Variants in FAT3 observed in about 807,000 individuals in gnomAD.
The protein encoded by FAT3 is protocadherin Fat 3.
A neutral mutation model predicts 310.2 loss-of-function variants in FAT3; 95 were observed. The observed-to-expected ratio is 0.31, with a 90% CI of 0.26 to 0.36. The LOEUF (loss-of-function observed/expected upper bound fraction) is 0.36. Among genes scored for constraint, FAT3 ranks in the 10% least tolerant of loss-of-function variants. The probability of loss-of-function intolerance (pLI) is 1.00; values close to 1 mark genes in which losing one functional copy is unlikely to be tolerated. For synonymous variants in FAT3, 2,314 were observed against 2,192.9 expected (o/e 1.06, Z -1.54); for missense variants, 5,408 against 5,715.6 (o/e 0.95, Z 1.74).
intron 1 of FAT3, among the ~76,000 whole-genome samples, chr11:92,260,396 A>G (rs901411058): frequency 2.0e-5 from 3 of 152,132 alleles, no homozygotes; most frequent in African/African-American, 7.2e-5. Context: ...AGAAATCTTT[A>G]TCAGCTTTCT....
chr11:92,472,420 C>T (rs1347058095), intron 2 of FAT3, among the ~76,000 whole-genome samples: 1 of 152,090 alleles, frequency 6.6e-6, no homozygotes, highest in Non-Finnish European at 1.5e-5. Context: ...GATCAACACT[C>T]TCTAGTTTAG....
chr11:92,456,280 G>A (rs372693088), intron 2 of FAT3, among the ~76,000 whole-genome samples: 3 of 152,172 alleles, frequency 2.0e-5, no homozygotes, highest in African/African-American at 7.2e-5. Context: ...GGAGCAATTA[G>A]CTATTGTTTA....
At chr11:92,672,529 A>G (rs1943160579) in intron 3 of FAT3, among the ~76,000 whole-genome samples, 1 of 152,348 alleles carries the variant, frequency 6.6e-6, no homozygotes, top group Non-Finnish European at 1.5e-5. Flanking sequence ...GTGACAAACA[A>G]AGTAGCAGAA....
chr11:92,530,902 GA>G (rs11464368), intron 3 of FAT3, among the ~76,000 whole-genome samples: 34 of 147,342 alleles, frequency 2.3e-4, no homozygotes, highest in Non-Finnish European at 3.0e-4. Flanking sequence ...GGGATTTAAA[GA>G]AAAAAAAAAA....
chr11:92,815,836 G>A (rs1947811724), intron 13 of FAT3, among the ~76,000 whole-genome samples: 1 of 152,178 alleles, frequency 6.6e-6, no homozygotes, highest in African/African-American at 2.4e-5. Context: ...AAGGAAGTCA[G>A]GAATAAAGAC....
intron 20 of FAT3, among the ~76,000 whole-genome samples, chr11:92,858,041 T>C (rs1378186007): frequency 6.6e-6 from 1 of 152,228 alleles, no homozygotes; most frequent in Non-Finnish European, 1.5e-5. Context: ...TCTTTAGGTA[T>C]ATTTAAAATA....
In FAT3 at chr11:92,890,410, A is replaced by T. The variant is rs956538854; in HGVS notation, c.13148-81A>T. The stretch of plus-strand genomic sequence containing the variant: ...TCTTGGATGCTAAAAATTGCATGTC[A>T]GGTCCCTTCCCTGCTCCTTTCCCAG... On this transcript the variant is annotated intron_variant, in intron 27 of 27. Coordinates refer to ENST00000525166, the MANE Select transcript of FAT3 (RefSeq NM_001367949.2). The T allele has an allele frequency of 4.0e-6, 6 of 1,482,192 alleles. No homozygotes were observed. The African/African-American group carries it at 7.0e-5, about 17-fold the overall frequency. 91.8% of individuals were successfully genotyped at this position (1,482,192 alleles called of 1,614,324 possible). A position where few individuals can be genotyped will look rare whatever the true frequency, so the allele number is the denominator to read the frequency against.
rs1949713515 is a variant in FAT3 at position 92,883,108 on chromosome 11, G to C, written c.12652G>C (p.Gly4218Arg). Residue 4218 changes from glycine to arginine, a missense_variant, in exon 24 of 28, where the codon GGC becomes CGC. Gly to Arg is a moderately radical substitution (Grantham distance 125, BLOSUM62 -2). This residue lies in a region of FAT3 where 649 missense variants were observed against 666.2 expected (regional missense o/e 0.97). Coordinates refer to ENST00000525166, the MANE Select transcript of FAT3 (RefSeq NM_001367949.2). The surrounding 1 kb of genome is among the most constrained non-coding windows in gnomAD (Gnocchi z 4.2). ...PFRNLRGSGD[G>R]RNVYQEVGPP... is the part of the protein sequence containing the mutation. ...CCGGAACCTGCGCGGCAGTGGGGAC[G>C]GCCGCAACGTCTACCAGGAGGTGGG... is the stretch of plus-strand genomic sequence containing the variant. 6.2e-7 allele frequency: 1 copy of C among 1,613,640 alleles called. No individual in the cohort carries two copies. Among genetic ancestry groups the C allele is most frequent in the African/African-American group, 1.3e-5 (1 of 74,940 alleles).
chr11:92,826,435 C>G (rs1053426603), intron 13 of FAT3, among the ~76,000 whole-genome samples: 5 of 152,094 alleles, frequency 3.3e-5, no homozygotes, highest in African/African-American at 4.8e-5. Context: ...TATTAGATAG[C>G]CTGCAGCATG....
intron 7 of FAT3, among the ~76,000 whole-genome samples, chr11:92,784,394 A>G (rs1165643107): frequency 6.6e-6 from 1 of 152,238 alleles, no homozygotes; most frequent in African/African-American, 2.4e-5. Context: ...AGAGAATTTC[A>G]GTAATTCAGG....
intron 4 of FAT3, 112 bp from the exon 5 acceptor site, chr11:92,761,744 A>G: frequency 1.0e-6 from 1 of 954,930 alleles, no homozygotes; most frequent in Non-Finnish European, 1.6e-6. Flanking sequence ...GAATACTAAA[A>G]GAATTTGGAT....
intron 3 of FAT3, among the ~76,000 whole-genome samples, chr11:92,696,011 C>CA (rs1309758148): frequency 6.6e-6 from 1 of 151,892 alleles, no homozygotes. Flanking sequence ...GTCCTCACCA[C>CA]AAAAAAATGA....
At chr11:92,290,368 A>G (rs543469763) in intron 1 of FAT3, among the ~76,000 whole-genome samples, 2 of 152,268 alleles carry the variant, frequency 1.3e-5, no homozygotes, top group South Asian at 2.1e-4. Context: ...CCTGTCCCAT[A>G]ATAAGCCATC....
chr11:92,655,822 C>G (rs1415470959), intron 3 of FAT3, among the ~76,000 whole-genome samples: 1 of 152,252 alleles, frequency 6.6e-6, no homozygotes, highest in East Asian at 1.9e-4. Context: ...TGGTCTATTT[C>G]TGAAGCTTGC....
intron 18 of FAT3, among the ~76,000 whole-genome samples, chr11:92,842,364 C>T (rs558846582): frequency 6.6e-6 from 1 of 152,352 alleles, no homozygotes; most frequent in East Asian, 1.9e-4. Flanking sequence ...CCAGCAGCTT[C>T]ATGCCTTTCT....
chr11:92,279,729 T>C (rs963045118), intron 1 of FAT3, among the ~76,000 whole-genome samples: 17 of 152,188 alleles, frequency 1.1e-4, no homozygotes, highest in Non-Finnish European at 2.4e-4. Flanking sequence ...CTTTGAAATA[T>C]GCAATATGTT....
chr11:92,252,323 A>G (rs996098852), intron 1 of FAT3, among the ~76,000 whole-genome samples: 1 of 152,156 alleles, frequency 6.6e-6, no homozygotes, highest in African/African-American at 2.4e-5. Context: ...TGCATGAAGC[A>G]AGGTCAATGG....
chr11:92,617,064 T>C (rs973514340), intron 3 of FAT3, among the ~76,000 whole-genome samples: 3 of 152,170 alleles, frequency 2.0e-5, no homozygotes, highest in Non-Finnish European at 4.4e-5. Flanking sequence ...TAATATCCTG[T>C]AGAGTGTTTT....
intron 2 of FAT3, among the ~76,000 whole-genome samples, chr11:92,522,830 G>A (rs1953730688): frequency 1.3e-5 from 2 of 152,042 alleles, no homozygotes; most frequent in South Asian, 4.2e-4. Flanking sequence ...AATGTATGTT[G>A]CATGTATGTT....
Sources: allele counts gnomAD v4.1 joint callset (sites outside exome capture counted in the v4.1 genomes callset), GRCh38; gene constraint gnomAD v4.1.1; regional missense constraint gnomAD v4.1.1; non-coding constraint Gnocchi (gnomAD v3.1); transcripts MANE v1.5; gene names NCBI Gene and HGNC (gene_info 2026-07-23, HGNC 2026-07-21).